Variants in RGS7 observed in about 807,000 individuals in gnomAD.
RGS7 encodes regulator of G-protein signaling 7.
In RGS7, 27 loss-of-function variants were observed where a neutral mutation model predicts 81.1. That is an observed-to-expected ratio of 0.33 (90% CI 0.25 to 0.46). The LOEUF (loss-of-function observed/expected upper bound fraction) is 0.46, where lower values mean the gene tolerates loss of function less well. RGS7 is among the 20% of genes least tolerant of loss of function. RGS7 has a pLI of 1.00. For synonymous variants in RGS7, 208 were observed against 207.7 expected, an observed-to-expected ratio of 1.00 and a Z score of -0.01; for missense variants, 396 against 607.4, an observed-to-expected ratio of 0.65 and a Z score of 3.66.
chr1:241,047,510 C>G (rs1301140823), intron 3 of RGS7, among the ~76,000 whole-genome samples: 1 of 152,096 alleles, frequency 6.6e-6, no homozygotes, highest in Non-Finnish European at 1.5e-5. Context: ...CTTCCCATAT[C>G]TACATTATAA....
At chr1:241,180,923 A>G (rs1280840202) in intron 2 of RGS7, among the ~76,000 whole-genome samples, 1 of 152,236 alleles carries the variant, frequency 6.6e-6, no homozygotes, top group Non-Finnish European at 1.5e-5. Flanking sequence ...GGAAACTCCA[A>G]TGCATGTTAG....
intron 3 of RGS7, among the ~76,000 whole-genome samples, chr1:240,996,066 G>A (rs991119965): frequency 6.6e-6 from 1 of 151,682 alleles, no homozygotes; most frequent in Admixed American, 6.6e-5. Context: ...TATTTAAAGT[G>A]TGTTGTTTAA....
chr1:241,259,667 A>AAAAATATAT, intron 2 of RGS7, among the ~76,000 whole-genome samples: 9 of 49,140 alleles, frequency 1.8e-4, no homozygotes, highest in East Asian at 1.2e-3. Flanking sequence ...AAAAAAAAAA[A>AAAAATATAT]ATATATATAT....
intron 2 of RGS7, among the ~76,000 whole-genome samples, chr1:241,117,396 C>T (rs539450513): frequency 3.7e-4 from 56 of 152,244 alleles, no homozygotes; most frequent in African/African-American, 1.3e-3. Context: ...TTGAAATAAA[C>T]GTTTAGTGAT....
At chr1:241,250,003 CAT>C (rs1388230029) in intron 2 of RGS7, among the ~76,000 whole-genome samples, 1 of 152,046 alleles carries the variant, frequency 6.6e-6, no homozygotes, top group Non-Finnish European at 1.5e-5. Flanking sequence ...AAACCAATCA[CAT>C]GTTGTTTGAG....
intron 3 of RGS7, among the ~76,000 whole-genome samples, chr1:241,075,366 T>G (rs565987045): frequency 7.9e-5 from 12 of 152,278 alleles, no homozygotes; most frequent in African/African-American, 2.6e-4. Context: ...ATTTTATACT[T>G]GGGAATTAAC....
In RGS7 at chr1:241,261,649, AT is replaced by A. The variant is rs1313778568; in HGVS notation, c.78+94049del. Among the ~76,000 whole-genome samples the A allele has an allele frequency of 1.4e-3, 203 of 148,826 alleles. 2 individuals are homozygous for A. The highest frequency in any genetic ancestry group is 4.7e-3 in the African/African-American group (192 of 40,762). Reference sequence around the variant, plus strand: ...GTCTCAAAAAAAAAAAAAAAAAAAAATGAGGGCAATGATTTAGATAGTCACC... The same window carrying A: ...GTCTCAAAAAAAAAAAAAAAAAAAAAGAGGGCAATGATTTAGATAGTCACC... On this transcript the variant is annotated intron_variant, in intron 2 of 18. Coordinates refer to ENST00000440928, the MANE Select transcript of RGS7 (RefSeq NM_001364886.1).
chr1:240,892,150 T>A (rs1416282159), intron 6 of RGS7, among the ~76,000 whole-genome samples: 1 of 152,250 alleles, frequency 6.6e-6, no homozygotes, highest in Non-Finnish European at 1.5e-5. Context: ...CATATAACTC[T>A]ATGCTAATGG....
chr1:241,286,168 A>G (rs566102680), intron 2 of RGS7, among the ~76,000 whole-genome samples: 3 of 152,240 alleles, frequency 2.0e-5, no homozygotes, highest in South Asian at 4.2e-4. Context: ...ATCACTTTCA[A>G]TAAGACTTCA....
chr1:241,321,160 C>T (rs2081185647), intron 2 of RGS7, among the ~76,000 whole-genome samples: 1 of 152,032 alleles, frequency 6.6e-6, no homozygotes, highest in African/African-American at 2.4e-5. Context: ...TGGGGTGGGG[C>T]GAGTAGGTAG....
At chr1:241,212,054 T>C (rs2074272305) in intron 2 of RGS7, among the ~76,000 whole-genome samples, 1 of 151,670 alleles carries the variant, frequency 6.6e-6, no homozygotes, top group South Asian at 2.1e-4. Flanking sequence ...TATTCAATTA[T>C]TATATGTATT....
chr1:240,959,740 T>TA (rs1681043108), intron 4 of RGS7, among the ~76,000 whole-genome samples: 3 of 152,202 alleles, frequency 2.0e-5, no homozygotes, highest in Admixed American at 6.5e-5. Context: ...CATAAGATGA[T>TA]AAAAAATTTC....
chr1:241,251,527 C>G (rs1197683364), intron 2 of RGS7, among the ~76,000 whole-genome samples: 2 of 139,382 alleles, frequency 1.4e-5, no homozygotes, highest in Non-Finnish European at 1.6e-5. Context: ...TTTTTTTTTT[C>G]CAGATGGAGT....
At chr1:241,122,026 T>C (rs2066305319) in intron 2 of RGS7, among the ~76,000 whole-genome samples, 1 of 152,176 alleles carries the variant, frequency 6.6e-6, no homozygotes, top group African/African-American at 2.4e-5. Flanking sequence ...CTGAAGGTAA[T>C]TATTAAGTTC....
intron 2 of RGS7, among the ~76,000 whole-genome samples, chr1:241,107,083 T>C (rs2065171556): frequency 6.6e-6 from 1 of 152,178 alleles, no homozygotes; most frequent in South Asian, 2.1e-4. Flanking sequence ...GGATGTCTTC[T>C]GGAACTCGAA....
intron 3 of RGS7, among the ~76,000 whole-genome samples, chr1:241,042,844 G>C (rs1171407065): frequency 1.3e-5 from 2 of 151,972 alleles, no homozygotes. Flanking sequence ...GGAGGCTGAG[G>C]CAGGAGAATC....
intron 3 of RGS7, among the ~76,000 whole-genome samples, chr1:241,084,589 CAT>C (rs562448708): frequency 1.7e-4 from 26 of 152,128 alleles, no homozygotes; most frequent in Non-Finnish European, 3.4e-4. Context: ...CAGTCACACT[CAT>C]ATGACATTTG....
chr1:241,023,542 G>A (rs1028709648), intron 3 of RGS7, among the ~76,000 whole-genome samples: 10 of 152,180 alleles, frequency 6.6e-5, no homozygotes, highest in African/African-American at 1.9e-4. Flanking sequence ...TTGGGATCAC[G>A]CCAATTGGCA....
At chr1:241,348,719 C>T (rs2083055816) in intron 2 of RGS7, among the ~76,000 whole-genome samples, 1 of 152,134 alleles carries the variant, frequency 6.6e-6, no homozygotes, top group African/African-American at 2.4e-5. Context: ...ACTGTGCAGA[C>T]TGCCAAGATA....
Sources: allele counts gnomAD v4.1 joint callset (sites outside exome capture counted in the v4.1 genomes callset), GRCh38; gene constraint gnomAD v4.1.1; transcripts MANE v1.5; gene names NCBI Gene and HGNC (gene_info 2026-07-23, HGNC 2026-07-21).